CASC3: variants seen among roughly 807,000 people sequenced by gnomAD.
CASC3 encodes the protein CASC3 exon junction complex subunit.
In CASC3, 30 loss-of-function variants were observed where a neutral mutation model predicts 80.5. The ratio of observed to expected loss-of-function variants is 0.37; its 90% confidence interval spans 0.28 to 0.51. The LOEUF (loss-of-function observed/expected upper bound fraction) is 0.51. Ranked by LOEUF, CASC3 falls within the 20% of genes least tolerant of loss-of-function variation. CASC3 has a pLI of 0.94. For synonymous variants in CASC3, 312 were observed against 333.6 expected (o/e 0.94, Z 0.70); for missense variants, 824 against 922.2 (o/e 0.89, Z 1.38).
Position 40,170,588 on chromosome 17 carries a change from G to A in CASC3, c.*183G>A. The A allele has an allele frequency of 1.3e-5, 13 of 985,634 alleles. No individual in the cohort carries two copies. Among genetic ancestry groups the A allele is most frequent in the Non-Finnish European group, 1.6e-5 (13 of 829,986 alleles). The allele number at this position is 985,634 out of a possible 1,614,324, so 61.1% of individuals were successfully genotyped here. On this transcript the variant is annotated 3_prime_UTR_variant, in exon 14 of 14. Coordinates refer to ENST00000264645, the MANE Select transcript of CASC3 (RefSeq NM_007359.5). ...CCTTCCTCTGAGGACAGGCTCTAGA[G>A]AGAGGGAGAAACAAGTGGACCTCGT...
chr17:40,169,586 T>C lies in CASC3; in HGVS notation c.2089-12T>C, dbSNP rs377167837. The C allele has an allele frequency of 6.3e-7, 1 of 1,594,244 alleles. No individual in the cohort carries two copies. The highest frequency in any genetic ancestry group is 1.4e-5 in the African/African-American group (1 of 73,666). On this transcript the variant is annotated splice_polypyrimidine_tract_variant and intron_variant, in intron 12 of 13. Coordinates refer to ENST00000264645, the MANE Select transcript of CASC3 (RefSeq NM_007359.5). The stretch of plus-strand genomic sequence containing the variant: ...TATGACCTGATAACAAATTCCAACT[T>C]TGTTATTTCAGGTTGTAAGCAGGGG...
intron 3 of CASC3, 87 bp downstream of exon 3, chr17:40,141,694 C>A: frequency 3.1e-6 from 3 of 961,670 alleles, no homozygotes; most frequent in Non-Finnish European, 5.0e-6. Context: ...CGTACCATGA[C>A]CTCCGTGTTT....
rs781765686 is a variant in CASC3, at chr17:40,140,612, G to C, written c.64G>C (p.Gly22Arg). Residue 22 changes from glycine (G) to arginine (R), a missense_variant, in exon 1 of 14, where the codon GGC (glycine) becomes CGC (arginine). Physicochemically the swap from Gly to Arg is moderately radical, Grantham distance 125 (BLOSUM62 -2). Coordinates refer to ENST00000264645, the MANE Select transcript of CASC3 (RefSeq NM_007359.5). Reference protein sequence around the residue: ...DTEDEESGASGSDSGGSPLRG... With the variant: ...DTEDEESGASRSDSGGSPLRG... Reference sequence around the variant, plus strand: ...CGAGGACGAGGAATCTGGTGCTTCGGGCTCCGACAGCGGCGGCTCCCCGTT... The same window carrying C: ...CGAGGACGAGGAATCTGGTGCTTCGCGCTCCGACAGCGGCGGCTCCCCGTT... 3 of 1,611,072 alleles carry C rather than the reference G, an allele frequency of 1.9e-6. No individual in the cohort carries two copies. Among genetic ancestry groups the C allele is most frequent in the South Asian group, 1.1e-5 (1 of 91,052 alleles).
At chr17:40,161,962 G>C (rs200612917) in intron 4 of CASC3, 40 bp from the exon 5 acceptor site, 1 of 1,612,728 alleles carries the variant, frequency 6.2e-7, no homozygotes, top group Non-Finnish European at 8.5e-7. Flanking sequence ...AGAGATTCTT[G>C]AGGCTTGGAA....
At position 40,169,601 on chromosome 17, in the gene CASC3, G is replaced by A. The variant is rs970210271; in HGVS notation, c.2092G>A (p.Val698Ile). ...VTIKPPPPEV[V>I]SRGSS ...AATTCCAACTTTGTTATTTCAGGTT[G>A]TAAGCAGGGGTTCCAGTTAATACAA... Residue 698 changes from valine (V) to isoleucine (I), a missense_variant, in exon 13 of 14, where the codon GTA becomes ATA. Val to Ile is a conservative substitution (Grantham distance 29). This residue lies in a region of CASC3 where 464 missense variants were observed against 506.0 expected (regional missense o/e 0.92). Transcript: ENST00000264645. 5.6e-6 allele frequency: 9 copies of A among 1,596,568 alleles called. No homozygotes were observed. The African/African-American group carries it at 9.5e-5, about 17-fold the overall frequency.
At chr17:40,155,128 A>G (rs2145166463) in intron 3 of CASC3, among the ~76,000 whole-genome samples, 1 of 152,090 alleles carries the variant, frequency 6.6e-6, no homozygotes, top group East Asian at 1.9e-4. Flanking sequence ...TGACCTCGTG[A>G]TCTACCCATC....
intron 3 of CASC3, among the ~76,000 whole-genome samples, chr17:40,151,153 C>T (rs917989748): frequency 2.0e-5 from 3 of 151,980 alleles, no homozygotes; most frequent in African/African-American, 7.2e-5. Context: ...GAGGAATGGT[C>T]GGCCCAGGAG....
At chr17:40,161,604 T>A (rs1476225378) in intron 3 of CASC3, 149 bp from the exon 4 acceptor site, 1 of 684,136 alleles carries the variant, frequency 1.5e-6, no homozygotes, top group East Asian at 2.7e-5. Flanking sequence ...GCTTGACCCC[T>A]GGAGGCAGAG....
intron 3 of CASC3, among the ~76,000 whole-genome samples, chr17:40,144,337 TTC>T (rs955787700): frequency 1.3e-5 from 2 of 151,812 alleles, no homozygotes; most frequent in East Asian, 1.9e-4. Context: ...ATTAAAAACT[TTC>T]TTTTTCTTTT....
In CASC3 at chr17:40,140,720, G is replaced by C. The variant is rs754524245; in HGVS notation, c.172G>C (p.Ala58Pro). The C allele has an allele frequency of 1.3e-6, 2 of 1,557,136 alleles. No individual in the cohort carries two copies. Among genetic ancestry groups the C allele is most frequent in the African/African-American group, 1.4e-5 (1 of 73,234 alleles). ...LPSQRGGRTG[A>P]LHLRRVESGG... The stretch of plus-strand genomic sequence containing the variant: ...TTCACAGCGCGGAGGCCGAACCGGG[G>C]CCCTTCATCTGCGGCGGGTGGAGAG... The change falls in exon 1 of 14, where the codon GCC (alanine) becomes CCC (proline). Residue 58 changes from alanine (A) to proline (P), a missense_variant. By Grantham distance (27) the Ala-to-Pro change is conservative. This residue lies in a region of CASC3 where 159 missense variants were observed against 122.2 expected (regional missense o/e 1.30). Coordinates refer to ENST00000264645, the MANE Select transcript of CASC3 (RefSeq NM_007359.5).
In CASC3 at chr17:40,169,627, G is replaced by A. The variant is rs754354275; in HGVS notation, c.*6G>A. ...TAAGCAGGGGTTCCAGTTAATACAA[G>A]TTTCTGAATATTTTAAATCTTAACA... On this transcript the variant is annotated 3_prime_UTR_variant, in exon 13 of 14. Coordinates refer to ENST00000264645, the MANE Select transcript of CASC3 (RefSeq NM_007359.5). 2.5e-5 allele frequency: 39 copies of A among 1,560,528 alleles called. No homozygotes were observed. The South Asian group carries it at 4.1e-4, about 16-fold the overall frequency.
intron 5 of CASC3, 53 bp from the exon 6 acceptor site, chr17:40,162,672 C>T: frequency 6.3e-7 from 1 of 1,578,932 alleles, no homozygotes; most frequent in Non-Finnish European, 8.7e-7. Flanking sequence ...TCAAGAACAT[C>T]TCTACTTGGA....
intron 9 of CASC3, 26 bp downstream of exon 9, chr17:40,167,638 A>C (rs1989484691): frequency 6.4e-7 from 1 of 1,564,876 alleles, no homozygotes; most frequent in South Asian, 1.1e-5. Flanking sequence ...CTGTTGGGGT[A>C]CTTTTCTTGG....
chr17:40,142,248 G>A (rs1040571282), intron 3 of CASC3, among the ~76,000 whole-genome samples: 1 of 152,164 alleles, frequency 6.6e-6, no homozygotes, highest in Admixed American at 6.5e-5. Context: ...AGCCCTTGAG[G>A]ATGGAATAGT....
chr17:40,159,169 C>T (rs190740565), intron 3 of CASC3, among the ~76,000 whole-genome samples: 43 of 152,034 alleles, frequency 2.8e-4, no homozygotes, highest in Admixed American at 1.9e-3. Context: ...CCCAGGAAGT[C>T]AAGGCTATAG....
rs369247816 is a variant in CASC3, at chr17:40,143,223, G to T, written c.297+1616G>T. ...CACTGTGGGAGGCCAAGGTGGGCCAGTCACTTGAGGCTAGGAGGTCAAGAC... is the reference window on the plus strand; with the variant it reads ...CACTGTGGGAGGCCAAGGTGGGCCATTCACTTGAGGCTAGGAGGTCAAGAC... On this transcript the variant is annotated intron_variant, in intron 3 of 13. Coordinates refer to ENST00000264645, the MANE Select transcript of CASC3 (RefSeq NM_007359.5). Among the ~76,000 whole-genome samples, 15 of 151,886 alleles carry T rather than the reference G, an allele frequency of 9.9e-5. No individual in the cohort carries two copies. In the East Asian group the frequency reaches 2.0e-3, roughly 20 times the overall value.
intron 5 of CASC3, 145 bp from the exon 6 acceptor site, chr17:40,162,580 C>G (rs1007478301): frequency 1.4e-6 from 1 of 708,858 alleles, no homozygotes; most frequent in African/African-American, 1.8e-5. Context: ...TTTGGGGAGG[C>G]CTGTTTTTTA....
chr17:40,164,175 C>T lies in CASC3; in HGVS notation c.1471+9C>T, dbSNP rs372390240. On this transcript the variant is annotated intron_variant, in intron 7 of 13. Transcript: ENST00000264645. ...ACCACGGGAACTTCGAGGTAGGTATCATAGGATTGGTGGCTAGCTTTTTCC... is the reference window on the plus strand; with the variant it reads ...ACCACGGGAACTTCGAGGTAGGTATTATAGGATTGGTGGCTAGCTTTTTCC... 1.9e-5 allele frequency: 30 copies of T among 1,585,160 alleles called. No individual in the cohort carries two copies. The African/African-American group carries it at 3.9e-4, about 21-fold the overall frequency.
In CASC3 at chr17:40,162,897, C is replaced by A. The variant is rs749113112; in HGVS notation, c.781C>A (p.Pro261Thr). Reference protein sequence around the residue: ...DDIKPRRIRKPRYGSPPQRDP... With the variant: ...DDIKPRRIRKTRYGSPPQRDP... ...CATCAAACCTCGAAGAATCCGGAAA[C>A]CCCGGTGAGGACATTTTAGAACATA... is the stretch of plus-strand genomic sequence containing the variant. The change falls in exon 6 of 14, where the codon CCC becomes ACC. Residue 261 changes from proline (P) to threonine (T), a missense_variant. By Grantham distance (38) the Pro-to-Thr change is conservative. This residue lies in a region of CASC3 where 201 missense variants were observed against 294.1 expected (regional missense o/e 0.68). Transcript: ENST00000264645. The A allele has an allele frequency of 4.3e-6, 7 of 1,613,286 alleles. No homozygotes were observed. The South Asian group carries it at 7.7e-5, about 18-fold the overall frequency.
Sources: gnomAD v4.1 joint callset for allele counts (sites outside exome capture counted in the v4.1 genomes callset) on GRCh38, gnomAD v4.1.1 for gene constraint, gnomAD v4.1.1 regional missense constraint, MANE v1.5 for transcripts, NCBI Gene and HGNC (gene_info 2026-07-23, HGNC 2026-07-21) for gene names.